Variants in ARHGAP15 observed in about 807,000 individuals in gnomAD.
ARHGAP15 encodes the protein rho GTPase-activating protein 15.
ARHGAP15 carries 51 observed loss-of-function variants against 63.7 expected under a neutral mutation model. The ratio of observed to expected loss-of-function variants is 0.80; its 90% CI spans 0.64 to 1.01. The LOEUF is 1.01. Ranked by LOEUF, ARHGAP15 falls within the 50% of genes least tolerant of loss-of-function variation. The pLI is 0.00. For missense variants in ARHGAP15, 560 were observed against 564.6 expected (o/e 0.99, Z 0.08); for synonymous variants, 191 against 193.8 (o/e 0.99, Z 0.12).
intron 6 of ARHGAP15, among the ~76,000 whole-genome samples, chr2:143,253,912 G>C (rs1266479376): frequency 6.6e-6 from 1 of 152,002 alleles, no homozygotes; most frequent in East Asian, 1.9e-4. Flanking sequence ...AAGTTAAAGT[G>C]GTAAATGTCC....
chr2:143,435,543 T>A (rs1689571762), intron 6 of ARHGAP15, 58 bp from the exon 7 acceptor site: 2 of 1,445,678 alleles, frequency 1.4e-6, no homozygotes, highest in Admixed American at 5.7e-5. Context: ...ATGTAAGAGA[T>A]CTATCTTACA....
At chr2:143,332,797 T>C (rs938846347) in intron 6 of ARHGAP15, among the ~76,000 whole-genome samples, 2 of 152,162 alleles carry the variant, frequency 1.3e-5, no homozygotes, top group Admixed American at 6.6e-5. Context: ...AGAAACTTGC[T>C]GGAACTCTCT....
At chr2:143,533,433 C>G (rs1347472559) in intron 10 of ARHGAP15, 3 of 152,184 alleles carry the variant, frequency 2.0e-5, no homozygotes, top group African/African-American at 7.2e-5. Context: ...CCTTGAGCCC[C>G]TGTCTGACCT....
chr2:143,438,798 TA>T (rs2105098133), intron 8 of ARHGAP15, among the ~76,000 whole-genome samples: 1 of 152,302 alleles, frequency 6.6e-6, no homozygotes, highest in South Asian at 2.1e-4. Context: ...AGTATATATT[TA>T]GTGTTAATCA....
At chr2:143,239,152 C>T (rs1378915028) in intron 5 of ARHGAP15, among the ~76,000 whole-genome samples, 2 of 151,824 alleles carry the variant, frequency 1.3e-5, no homozygotes, top group African/African-American at 4.8e-5. Flanking sequence ...ATGTAACAAA[C>T]CTGCACATCC....
At chr2:143,672,029 T>A (rs1682553865) in intron 12 of ARHGAP15, among the ~76,000 whole-genome samples, 1 of 152,214 alleles carries the variant, frequency 6.6e-6, no homozygotes, top group African/African-American at 2.4e-5. Context: ...TACTTGGTGC[T>A]ATGAAATGCC....
intron 11 of ARHGAP15, among the ~76,000 whole-genome samples, chr2:143,599,461 T>C (rs1044944978): frequency 2.0e-4 from 30 of 151,982 alleles, no homozygotes; most frequent in Non-Finnish European, 2.9e-5. Flanking sequence ...CAATGGGCAA[T>C]GTGAGTGTTG....
At chr2:143,429,151 A>G (rs903731004) in intron 6 of ARHGAP15, among the ~76,000 whole-genome samples, 2 of 152,000 alleles carry the variant, frequency 1.3e-5, no homozygotes, top group African/African-American at 4.8e-5. Context: ...GTATTCTTTC[A>G]TGAATATTGA....
intron 6 of ARHGAP15, among the ~76,000 whole-genome samples, chr2:143,369,511 A>T (rs931758009): frequency 6.6e-6 from 1 of 152,112 alleles, no homozygotes; most frequent in African/African-American, 2.4e-5. Flanking sequence ...AGTTTATTAA[A>T]AGATTATAAT....
intron 8 of ARHGAP15, chr2:143,480,927 G>A (rs1454651323): frequency 6.6e-6 from 1 of 152,074 alleles, no homozygotes; most frequent in Non-Finnish European, 1.5e-5. Context: ...TTTGGGATAA[G>A]GTGCTCTTAT....
chr2:143,147,381 AT>A (rs1448125711), intron 1 of ARHGAP15, among the ~76,000 whole-genome samples: 10 of 152,028 alleles, frequency 6.6e-5, no homozygotes, highest in Non-Finnish European at 2.9e-5. Flanking sequence ...ATCGCTCAGC[AT>A]TTCTTGCTAG....
At chr2:143,460,745 C>T (rs1262671872) in intron 8 of ARHGAP15, among the ~76,000 whole-genome samples, 1 of 152,074 alleles carries the variant, frequency 6.6e-6, no homozygotes, top group Admixed American at 6.6e-5. Flanking sequence ...GACTCCTCCT[C>T]TCTTTGATAA....
chr2:143,618,136 T>A (rs904911381), intron 11 of ARHGAP15, among the ~76,000 whole-genome samples: 1 of 152,112 alleles, frequency 6.6e-6, no homozygotes, highest in Non-Finnish European at 1.5e-5. Flanking sequence ...CCACCAGAAA[T>A]CAGACCAAAC....
intron 6 of ARHGAP15, among the ~76,000 whole-genome samples, chr2:143,389,200 C>G (rs1399214139): frequency 6.6e-6 from 1 of 151,524 alleles, no homozygotes; most frequent in African/African-American, 2.4e-5. Context: ...AACTGGCATG[C>G]TGGTGTATCT....
chr2:143,447,127 C>A (rs988301296), intron 8 of ARHGAP15, among the ~76,000 whole-genome samples: 1 of 151,922 alleles, frequency 6.6e-6, no homozygotes, highest in Non-Finnish European at 1.5e-5. Context: ...ATTTATAGTC[C>A]TTTGGGTATA....
intron 8 of ARHGAP15, among the ~76,000 whole-genome samples, chr2:143,452,505 G>C (rs1185612754): frequency 6.6e-6 from 1 of 151,882 alleles, no homozygotes; most frequent in East Asian, 1.9e-4. Flanking sequence ...AAAAATGAAT[G>C]TGCTTCCCAG....
intron 6 of ARHGAP15, among the ~76,000 whole-genome samples, chr2:143,369,454 A>T (rs1686447288): frequency 6.6e-6 from 1 of 152,138 alleles, no homozygotes; most frequent in Admixed American, 6.5e-5. Flanking sequence ...TTAGAAGTGG[A>T]TTAGAATACC....
At chr2:143,134,273 A>G (rs1689043778) in intron 1 of ARHGAP15, among the ~76,000 whole-genome samples, 1 of 152,158 alleles carries the variant, frequency 6.6e-6, no homozygotes, top group Non-Finnish European at 1.5e-5. Context: ...TTGTTGCCAA[A>G]CTATCCTTCA....
At chr2:143,299,251 C>T (rs578208748) in intron 6 of ARHGAP15, among the ~76,000 whole-genome samples, 6 of 151,974 alleles carry the variant, frequency 3.9e-5, no homozygotes, top group African/African-American at 1.2e-4. Flanking sequence ...ATGCAAAATG[C>T]TTTATGTAAG....
Sources: gnomAD v4.1 joint callset for allele counts (sites outside exome capture counted in the v4.1 genomes callset) on GRCh38, gnomAD v4.1.1 for gene constraint, MANE v1.5 for transcripts, NCBI Gene and HGNC (gene_info 2026-07-23, HGNC 2026-07-21) for gene names.